The following ANKRD6 variants were observed in gnomAD, a reference collection of about 807,000 sequenced individuals.
The protein encoded by ANKRD6 is ankyrin repeat domain 6.
A neutral mutation model predicts 82.3 loss-of-function variants in ANKRD6; 56 were observed. The observed-to-expected ratio is 0.68, with a 90% CI of 0.55 to 0.85. ANKRD6 has a LOEUF of 0.85. Among genes scored for constraint, ANKRD6 ranks in the 40% least tolerant of loss-of-function variants. The pLI, the probability that ANKRD6 is intolerant of heterozygous loss-of-function variation, is 0.00. For synonymous variants in ANKRD6, 347 were observed against 352.1 expected (o/e 0.99, Z 0.16); for missense variants, 852 against 907.6 (o/e 0.94, Z 0.79).
chr6:89,553,052 A>G (rs1280523157), intron 1 of ANKRD6, among the ~76,000 whole-genome samples: 1 of 152,202 alleles, frequency 6.6e-6, no homozygotes, highest in African/African-American at 2.4e-5. Flanking sequence ...TAACCTGGAC[A>G]TGCATGTTGA....
At chr6:89,572,456 G>A (rs1790135212) in intron 2 of ANKRD6, among the ~76,000 whole-genome samples, 1 of 152,206 alleles carries the variant, frequency 6.6e-6, no homozygotes, top group African/African-American at 2.4e-5. Context: ...TAGCTTTACA[G>A]TGGTATCTCG....
At chr6:89,603,676 T>C (rs1797802136) in intron 4 of ANKRD6, among the ~76,000 whole-genome samples, 1 of 152,034 alleles carries the variant, frequency 6.6e-6, no homozygotes, top group African/African-American at 2.4e-5. Flanking sequence ...TAAACTATAT[T>C]GCAGGGAAAA....
intron 1 of ANKRD6, among the ~76,000 whole-genome samples, chr6:89,467,900 C>T (rs1369382839): frequency 6.6e-6 from 1 of 152,154 alleles, no homozygotes; most frequent in Non-Finnish European, 1.5e-5. Flanking sequence ...GAAGTGAATT[C>T]TCTTAGAGTA....
At position 89,603,600 on chromosome 6, in the gene ANKRD6, G is replaced by C. The variant is rs373010548; in HGVS notation, c.318+473G>C. Among the ~76,000 whole-genome samples the C allele has an allele frequency of 9.2e-5, 14 of 152,322 alleles. No homozygotes were observed. In the East Asian group the frequency reaches 1.5e-3, roughly 17 times the overall value. ...AAGGACCTATGTAGGCCTGGGTCGG[G>C]GGGGTAAGGGATGTGCCCCAGACTT... On this transcript the variant is annotated intron_variant, in intron 4 of 15. Transcript: ENST00000339746.
intron 1 of ANKRD6, among the ~76,000 whole-genome samples, chr6:89,528,402 C>T (rs140550488): frequency 9.2e-5 from 14 of 152,378 alleles, no homozygotes; most frequent in African/African-American, 3.1e-4. Flanking sequence ...AGGAACTCCT[C>T]ATTCATTCAA....
chr6:89,627,661 TCAGACA>T lies in ANKRD6; in HGVS notation c.1455_1460del (p.Asp485_Thr486del). ...GTGCCTGAACCGCCTGCAACAGCAC[TCAGACA>T]CAGAGAAGCATGAGGGGGAGAAACG... On this transcript the variant is annotated inframe_deletion, in exon 14 of 16. Transcript: ENST00000339746. 6.2e-7 allele frequency: 1 copy of T among 1,613,532 alleles called. No homozygotes were observed. Among genetic ancestry groups the T allele is most frequent in the South Asian group, 1.1e-5 (1 of 91,068 alleles).
intron 5 of ANKRD6, among the ~76,000 whole-genome samples, chr6:89,610,198 A>C (rs1297650608): frequency 2.0e-5 from 3 of 151,954 alleles, no homozygotes; most frequent in Admixed American, 2.0e-4. Context: ...CGGTTGTGTA[A>C]CCCCCACCAT....
Position 89,576,371 on chromosome 6 carries a change from C to T in ANKRD6, c.120+9275C>T, listed in dbSNP as rs552464418. ...GGCCATTTGCACAACTTTCATATTT[C>T]GACCAGTTGTACTTCATCATGTTGA... On this transcript the variant is annotated intron_variant, in intron 2 of 15. Coordinates refer to ENST00000339746, the MANE Select transcript of ANKRD6 (RefSeq NM_001242809.2). Among the ~76,000 whole-genome samples, 434 of 152,282 alleles carry T rather than the reference C, an allele frequency of 2.8e-3. 5 individuals carry two copies. Among genetic ancestry groups the T allele is most frequent in the African/African-American group, 9.9e-3 (411 of 41,566 alleles).
chr6:89,578,496 A>C (rs1226385098), intron 2 of ANKRD6, among the ~76,000 whole-genome samples: 2 of 151,932 alleles, frequency 1.3e-5, no homozygotes, highest in African/African-American at 4.8e-5. Flanking sequence ...GGGTCTTGTC[A>C]TGTTACCTAG....
rs1807783449 is a variant in ANKRD6, at chr6:89,633,395, T to C, written c.*2391T>C. 6.6e-6 allele frequency: 1 copy of C among 152,204 alleles called. No individual in the cohort carries two copies. Among genetic ancestry groups the C allele is most frequent in the African/African-American group, 2.4e-5 (1 of 41,440 alleles). 9.4% of individuals were successfully genotyped at this position (152,204 alleles called of 1,614,324 possible). ...TCCAGTGTATATTTTTCCTTATTTT[T>C]CCCTTTTAGCTATCTGCTAAAGTGA... On this transcript the variant is annotated 3_prime_UTR_variant, in exon 16 of 16. Transcript: ENST00000339746.
At chr6:89,584,303 G>T (rs1418686664) in intron 2 of ANKRD6, among the ~76,000 whole-genome samples, 1 of 152,236 alleles carries the variant, frequency 6.6e-6, no homozygotes, top group East Asian at 1.9e-4. Context: ...AAAGAGAAAA[G>T]GAGCTCTCGA....
intron 1 of ANKRD6, among the ~76,000 whole-genome samples, chr6:89,449,358 TGATAAAACTTGAAA>T (rs1401243618): frequency 6.6e-6 from 1 of 152,192 alleles, no homozygotes; most frequent in Non-Finnish European, 1.5e-5. Context: ...TGCAATCTCA[TGATAAAACTTGAAA>T]GGCTGAGGAG....
At chr6:89,621,556 G>C (rs183738593) in intron 9 of ANKRD6, 2 of 230,414 alleles carry the variant, frequency 8.7e-6, no homozygotes, top group Admixed American at 1.0e-4. Context: ...GGGCTGCTGC[G>C]TTGCACAACT....
intron 1 of ANKRD6, among the ~76,000 whole-genome samples, chr6:89,473,745 G>A (rs1011710780): frequency 2.6e-5 from 4 of 152,024 alleles, no homozygotes; most frequent in East Asian, 1.9e-4. Context: ...TTGGGTGGCC[G>A]AGGTGGGTGG....
chr6:89,607,536 A>T (rs1299450620), intron 5 of ANKRD6, among the ~76,000 whole-genome samples: 1 of 152,222 alleles, frequency 6.6e-6, no homozygotes, highest in African/African-American at 2.4e-5. Flanking sequence ...GAAGAATATC[A>T]TCAGAATATT....
Position 89,630,991 on chromosome 6 carries a change from A to G in ANKRD6, c.2171A>G (p.Gln724Arg). The change falls in exon 16 of 16, where the codon CAG (glutamine) becomes CGG (arginine). Residue 724 changes from glutamine (Q) to arginine (R), a missense_variant. Transcript: ENST00000339746. ...EELAKLRTRV[Q>R]KEN Reference sequence around the variant, plus strand: ...CTTGCCAAACTAAGGACTAGGGTGCAGAAGGAAAATTAGCACCAATAAAGA... The same window carrying G: ...CTTGCCAAACTAAGGACTAGGGTGCGGAAGGAAAATTAGCACCAATAAAGA... 6.5e-7 allele frequency: 1 copy of G among 1,535,048 alleles called. No individual in the cohort carries two copies. The highest frequency in any genetic ancestry group is 1.2e-5 in the South Asian group (1 of 80,524).
chr6:89,466,509 T>C (rs1774866106), intron 1 of ANKRD6, among the ~76,000 whole-genome samples: 1 of 152,234 alleles, frequency 6.6e-6, no homozygotes, highest in African/African-American at 2.4e-5. Context: ...ACTTGATAGA[T>C]AAAAACATTT....
intron 1 of ANKRD6, among the ~76,000 whole-genome samples, chr6:89,468,598 T>A (rs1775104449): frequency 3.7e-5 from 2 of 53,866 alleles, no homozygotes; most frequent in Non-Finnish European, 6.4e-5. Flanking sequence ...GTTGATGAGC[T>A]AAAAAAAAAA....
intron 1 of ANKRD6, among the ~76,000 whole-genome samples, chr6:89,484,320 A>T (rs1777126889): frequency 6.6e-6 from 1 of 152,164 alleles, no homozygotes; most frequent in South Asian, 2.1e-4. Context: ...TAGAGGATAT[A>T]TGTCTTTGTC....
Sources: allele counts gnomAD v4.1 joint callset (sites outside exome capture counted in the v4.1 genomes callset), GRCh38; gene constraint gnomAD v4.1.1; transcripts MANE v1.5; gene names NCBI Gene and HGNC (gene_info 2026-07-23, HGNC 2026-07-21).